Variants in SIPA1L2 observed in about 807,000 individuals in gnomAD.
SIPA1L2 encodes the protein signal-induced proliferation-associated 1-like protein 2.
A neutral mutation model predicts 163.9 loss-of-function variants in SIPA1L2; 56 were observed. The ratio of observed to expected loss-of-function variants is 0.34; its 90% confidence interval spans 0.28 to 0.43. The LOEUF (loss-of-function observed/expected upper bound fraction) is 0.43, where lower values mean the gene tolerates loss of function less well. Among genes scored for constraint, SIPA1L2 ranks in the 20% least tolerant of loss-of-function variants. The pLI, the probability that SIPA1L2 is intolerant of heterozygous loss-of-function variation, is 1.00. For missense variants in SIPA1L2, 1,974 were observed against 2,193.5 expected, an observed-to-expected ratio of 0.90 and a Z score of 2.00; for synonymous variants, 877 against 865.7, an observed-to-expected ratio of 1.01 and a Z score of -0.23.
chr1:232,479,664 G>T lies in SIPA1L2; in HGVS notation c.2048C>A (p.Ser683Ter). Reference sequence around the variant, plus strand: ...GTTGGGCATGTAGGGAAGCAGGGTTGACACGTGGAACATGAGTTCGTAGTC... The same window carrying T: ...GTTGGGCATGTAGGGAAGCAGGGTTTACACGTGGAACATGAGTTCGTAGTC... Reference protein sequence around the residue: ...YKDYELMFHVSTLLPYMPNNR... With the variant: ...YKDYELMFHV The change falls in exon 7 of 23, where the codon TCA (serine) becomes TAA (stop). Residue 683 changes from serine to a stop codon, truncating the protein, a stop_gained. Transcript: ENST00000674635. LOFTEE classifies it high-confidence loss of function. 1 of 1,613,822 alleles carries T rather than the reference G, an allele frequency of 6.2e-7. No individual in the cohort carries two copies. Among genetic ancestry groups the T allele is most frequent in the South Asian group, 1.1e-5 (1 of 91,074 alleles).
chr1:232,464,773 T>G, intron 9 of SIPA1L2, 67 bp downstream of exon 9: 1 of 1,310,520 alleles, frequency 7.6e-7, no homozygotes, highest in Non-Finnish European at 1.1e-6. Context: ...AGTTCCCCAG[T>G]GAAAGTTATT....
At chr1:232,427,774 A>T (rs1312345540) in intron 17 of SIPA1L2, among the ~76,000 whole-genome samples, 1 of 152,204 alleles carries the variant, frequency 6.6e-6, no homozygotes, top group East Asian at 1.9e-4. Flanking sequence ...TTGGTTTATG[A>T]GATTTAAGCA....
chr1:232,480,838 T>C (rs1450441799), intron 6 of SIPA1L2, among the ~76,000 whole-genome samples: 1 of 152,214 alleles, frequency 6.6e-6, no homozygotes, highest in African/African-American at 2.4e-5. Context: ...ATCTAAATTT[T>C]TACTTTAAAA....
intron 8 of SIPA1L2, 128 bp downstream of exon 8, chr1:232,471,243 G>T: frequency 1.0e-6 from 1 of 1,002,414 alleles, no homozygotes; most frequent in Non-Finnish European, 1.5e-6. Context: ...ATTTCTTACA[G>T]AAAGTGTCTG....
intron 1 of SIPA1L2, among the ~76,000 whole-genome samples, chr1:232,574,808 A>G (rs576881552): frequency 1.4e-4 from 22 of 152,342 alleles, no homozygotes; most frequent in Admixed American, 5.9e-4. Flanking sequence ...TCTTTTAATG[A>G]TAATGGCGAT....
chr1:232,480,850 C>G (rs1466328392), intron 6 of SIPA1L2, among the ~76,000 whole-genome samples: 1 of 152,150 alleles, frequency 6.6e-6, no homozygotes, highest in East Asian at 1.9e-4. Flanking sequence ...ACTTTAAAAA[C>G]ACGAAAACAT....
intron 8 of SIPA1L2, among the ~76,000 whole-genome samples, chr1:232,467,371 C>T (rs549370177): frequency 1.6e-4 from 24 of 152,230 alleles, no homozygotes; most frequent in African/African-American, 5.8e-4. Flanking sequence ...AAAAACATCA[C>T]AGAGGTTGAC....
intron 1 of SIPA1L2, among the ~76,000 whole-genome samples, chr1:232,622,445 G>C (rs1662863329): frequency 6.6e-6 from 1 of 152,246 alleles, no homozygotes; most frequent in African/African-American, 2.4e-5. Flanking sequence ...ACTACAGACA[G>C]TACTACACAA....
At chr1:232,557,028 T>C (rs1658751893) in intron 2 of SIPA1L2, among the ~76,000 whole-genome samples, 1 of 152,150 alleles carries the variant, frequency 6.6e-6, no homozygotes, top group South Asian at 2.1e-4. Context: ...AATTTTTACC[T>C]GTGTCCCGTG....
chr1:232,538,931 C>T (rs1478148427), intron 2 of SIPA1L2, among the ~76,000 whole-genome samples: 4 of 152,160 alleles, frequency 2.6e-5, no homozygotes, highest in African/African-American at 9.7e-5. Context: ...TTTTTGTTAC[C>T]TATTCAGACA....
At position 232,458,735 on chromosome 1, in the gene SIPA1L2, A is replaced by G. The variant is rs186229479; in HGVS notation, c.3095+2152T>C. Among the ~76,000 whole-genome samples, 162 of 152,348 alleles carry G rather than the reference A, an allele frequency of 1.1e-3. 1 individual carries two copies. The highest frequency in any genetic ancestry group is 1.6e-3 in the Non-Finnish European group (107 of 68,026). On this transcript the variant is annotated intron_variant, in intron 10 of 22. Transcript: ENST00000674635. ...AGACAGAAATCTTACTGTATGAAAAAATTTCTAACAAATGCTGGAAAATGT... is the reference window on the plus strand; with the variant it reads ...AGACAGAAATCTTACTGTATGAAAAGATTTCTAACAAATGCTGGAAAATGT...
In SIPA1L2 at chr1:232,479,313, G is replaced by A. The variant is rs1008063328; in HGVS notation, c.2085+314C>T. On this transcript the variant is annotated intron_variant, in intron 7 of 22. Transcript: ENST00000674635. ...AGCTATTTACCCACACACAAAAACC[G>A]AAGTCAGGTCAACACGGTTGGCCTT... Among the ~76,000 whole-genome samples the A allele has an allele frequency of 4.6e-5, 7 of 152,250 alleles. No individual in the cohort carries two copies. The South Asian group carries it at 6.2e-4, about 14-fold the overall frequency.
At chr1:232,460,750 A>C (rs1430648181) in intron 10 of SIPA1L2, 137 bp downstream of exon 10, 1 of 1,054,832 alleles carries the variant, frequency 9.5e-7, no homozygotes, top group Admixed American at 2.9e-5. Flanking sequence ...ACATTGTACA[A>C]ATGAGTGACA....
chr1:232,496,610 CTTCA>C, intron 3 of SIPA1L2, among the ~76,000 whole-genome samples: 1 of 149,460 alleles, frequency 6.7e-6, no homozygotes, highest in Non-Finnish European at 1.5e-5. Context: ...TAATTGTCTA[CTTCA>C]GACTACTAAA....
At chr1:232,568,800 C>A (rs1048529375) in intron 2 of SIPA1L2, among the ~76,000 whole-genome samples, 2 of 152,220 alleles carry the variant, frequency 1.3e-5, no homozygotes, top group Non-Finnish European at 2.9e-5. Flanking sequence ...CACTTATCCA[C>A]CCAAACGTGT....
chr1:232,561,401 A>G (rs747373041), intron 2 of SIPA1L2: 1 of 152,198 alleles, frequency 6.6e-6, no homozygotes, highest in Non-Finnish European at 1.5e-5. Context: ...CTGGCCCCTG[A>G]TGTGTACCTG....
intron 3 of SIPA1L2, 136 bp from the exon 4 acceptor site, chr1:232,493,796 TTCA>T (rs1160382070): frequency 2.6e-6 from 3 of 1,147,578 alleles, no homozygotes; most frequent in South Asian, 1.6e-5. Flanking sequence ...TTGTATCTGT[TTCA>T]TCAAGTCTTC....
Position 232,515,064 on chromosome 1 carries a change from C to A in SIPA1L2, c.276G>T (p.Glu92Asp). The stretch of plus-strand genomic sequence containing the variant: ...TTTCCCACAGTGCCTTGCATGTTAG[C>A]TCCTTGGAACAGTCCTTTTTAGGAG... The part of the protein sequence containing the change: ...EWPPKKDCSK[E>D]LTCKALWESR... The change falls in exon 3 of 23, where the codon GAG becomes GAT. Residue 92 changes from glutamate to aspartate, a missense_variant. Glu to Asp is a conservative substitution (Grantham distance 45). Around this residue, in one of 3 missense-constraint regions of SIPA1L2, gnomAD observed 607 missense variants for 624.0 expected, o/e 0.97. Coordinates refer to ENST00000674635, the MANE Select transcript of SIPA1L2 (RefSeq NM_020808.5). The A allele has an allele frequency of 6.2e-7, 1 of 1,614,152 alleles. No homozygotes were observed. Among genetic ancestry groups the A allele is most frequent in the Non-Finnish European group, 8.5e-7 (1 of 1,180,032 alleles).
At chr1:232,613,657 T>C (rs1372569602) in intron 1 of SIPA1L2, among the ~76,000 whole-genome samples, 1 of 146,294 alleles carries the variant, frequency 6.8e-6, no homozygotes, top group Non-Finnish European at 1.5e-5. Context: ...AGGATCCAGT[T>C]TTTAGAAGCT....
Sources: allele counts gnomAD v4.1 joint callset (sites outside exome capture counted in the v4.1 genomes callset), GRCh38; gene constraint gnomAD v4.1.1; regional missense constraint gnomAD v4.1.1; transcripts MANE v1.5; gene names NCBI Gene and HGNC (gene_info 2026-07-23, HGNC 2026-07-21).